Variants in RELCH observed in about 807,000 individuals in gnomAD.
RELCH encodes the protein RAB11-binding protein RELCH.
A neutral mutation model predicts 150.3 loss-of-function variants in RELCH; 41 were observed. That is an observed-to-expected ratio of 0.27 (90% CI 0.21 to 0.35). The LOEUF (loss-of-function observed/expected upper bound fraction) is 0.35, where lower values mean the gene tolerates loss of function less well. RELCH is among the 10% of genes least tolerant of loss of function. The pLI is 1.00. For synonymous variants in RELCH, 478 were observed against 531.8 expected (o/e 0.90, Z 1.39); for missense variants, 1,092 against 1,467.8 (o/e 0.74, Z 4.18).
chr18:62,268,824 C>A, intron 19 of RELCH, 45 bp from the exon 20 acceptor site: 1 of 1,023,220 alleles, frequency 9.8e-7, no homozygotes, highest in Non-Finnish European at 1.4e-6. Context: ...TTTCTTTACA[C>A]TTAAAATATA....
In RELCH at chr18:62,309,105, C is replaced by T. The variant is rs9946407; in HGVS notation, c.*3571C>T. ...ATACAAAATTAGCCGGGTATGGTGGCGCACACCTGTAATCCCAGCTACTCT... is the reference window on the plus strand; with the variant it reads ...ATACAAAATTAGCCGGGTATGGTGGTGCACACCTGTAATCCCAGCTACTCT... On this transcript the variant is annotated 3_prime_UTR_variant, in exon 29 of 29. Transcript: ENST00000644646. The T allele has an allele frequency of 0.088, 13,424 of 151,856 alleles. 1,282 individuals carry two copies. Among genetic ancestry groups the T allele is most frequent in the African/African-American group, 0.24 (10,020 of 41,352 alleles). The allele number at this position is 151,856 out of a possible 1,614,324, so 9.4% of individuals were successfully genotyped here. A position where few individuals can be genotyped will look rare whatever the true frequency, so the allele number is the denominator to read the frequency against.
In RELCH at chr18:62,195,864, T is replaced by G. The variant is rs188749106; in HGVS notation, c.526+7833T>G. ...GCGCATGCCACCACACCCAGCCAAT[T>G]TTTTTATTTTTGGTAGAGACCAGGT... On this transcript the variant is annotated intron_variant, in intron 1 of 28. Transcript: ENST00000644646. Among the ~76,000 whole-genome samples, 646 of 152,066 alleles carry G rather than the reference T, an allele frequency of 4.2e-3. 25 individuals are homozygous for G. The highest frequency in any genetic ancestry group is 0.039 in the Admixed American group (602 of 15,264).
At chr18:62,290,590 A>C (rs919320911) in intron 26 of RELCH, among the ~76,000 whole-genome samples, 4 of 152,212 alleles carry the variant, frequency 2.6e-5, no homozygotes, top group Non-Finnish European at 4.4e-5. Flanking sequence ...TGTGATATTA[A>C]ATAGGAGCTA....
At chr18:62,246,963 C>G (rs1048161381) in intron 11 of RELCH, 3 of 152,198 alleles carry the variant, frequency 2.0e-5, no homozygotes, top group Non-Finnish European at 4.4e-5. Context: ...CTGAATTAAA[C>G]TCCAGCCTAC....
chr18:62,305,664 A>C lies in RELCH; in HGVS notation c.*130A>C. 1 of 957,090 alleles carries C rather than the reference A, an allele frequency of 1.0e-6. No individual in the cohort carries two copies. Among genetic ancestry groups the C allele is most frequent in the Non-Finnish European group, 1.5e-6 (1 of 667,996 alleles). 59.3% of individuals were successfully genotyped at this position (957,090 alleles called of 1,614,324 possible). ...GCATTATAATTTTATCCTAACCTCC[A>C]AAGATATTTGCACTGCTTTTAATTA... On this transcript the variant is annotated 3_prime_UTR_variant, in exon 29 of 29. Transcript: ENST00000644646. The surrounding 1 kb of genome is among the most constrained non-coding windows in gnomAD (Gnocchi z 4.0).
chr18:62,239,651 T>C lies in RELCH; in HGVS notation c.1621-5113T>C, dbSNP rs79889776. Among the ~76,000 whole-genome samples, 430 of 152,190 alleles carry C rather than the reference T, an allele frequency of 2.8e-3. 3 individuals are homozygous for C. Among genetic ancestry groups the C allele is most frequent in the African/African-American group, 9.8e-3 (408 of 41,550 alleles). On this transcript the variant is annotated intron_variant, in intron 10 of 28. Transcript: ENST00000644646. Reference sequence around the variant, plus strand: ...TTACATTTCCAAATGATCTTTTCAATTGGAGCACAGTTCCGGTCTGTCCCC... The same window carrying C: ...TTACATTTCCAAATGATCTTTTCAACTGGAGCACAGTTCCGGTCTGTCCCC...
chr18:62,261,092 C>A (rs1054928002), intron 15 of RELCH, among the ~76,000 whole-genome samples: 4 of 152,006 alleles, frequency 2.6e-5, no homozygotes, highest in Non-Finnish European at 4.4e-5. Context: ...TGATGCATAT[C>A]TCAATACCTT....
intron 12 of RELCH, among the ~76,000 whole-genome samples, chr18:62,255,177 A>C (rs532788822): frequency 1.2e-4 from 18 of 151,990 alleles, no homozygotes; most frequent in African/African-American, 1.7e-4. Context: ...CCAAATTTTC[A>C]TCTTGGTTTT....
intron 1 of RELCH, among the ~76,000 whole-genome samples, chr18:62,201,497 G>A (rs1010223870): frequency 1.3e-5 from 2 of 151,792 alleles, no homozygotes; most frequent in African/African-American, 4.8e-5. Context: ...TTGTGAATTG[G>A]ATACTTTCAT....
rs965277637 is a variant in RELCH, at chr18:62,191,469, A to G, written c.526+3438A>G. Among the ~76,000 whole-genome samples, 3 of 151,872 alleles carry G rather than the reference A, an allele frequency of 2.0e-5. No individual in the cohort carries two copies. The South Asian group carries it at 6.2e-4, about 32-fold the overall frequency. ...CAGGGTACATGTGCAGGGTGTGCAGATTGGTGACATAGGTAGACATGTGTC... is the reference window on the plus strand; with the variant it reads ...CAGGGTACATGTGCAGGGTGTGCAGGTTGGTGACATAGGTAGACATGTGTC... On this transcript the variant is annotated intron_variant, in intron 1 of 28. Coordinates refer to ENST00000644646, the MANE Select transcript of RELCH (RefSeq NM_001346231.2).
intron 10 of RELCH, among the ~76,000 whole-genome samples, chr18:62,236,482 A>G (rs906781729): frequency 6.6e-6 from 1 of 151,834 alleles, no homozygotes; most frequent in African/African-American, 2.4e-5. Flanking sequence ...TTGATAGGGT[A>G]TAGGAACTCT....
intron 25 of RELCH, chr18:62,284,206 A>G (rs1380925291): frequency 2.0e-5 from 3 of 152,218 alleles, no homozygotes; most frequent in Admixed American, 6.5e-5. Context: ...TTTCAAGAAT[A>G]TCTAAAAATA....
chr18:62,274,226 A>G, intron 21 of RELCH, 140 bp downstream of exon 21: 1 of 589,160 alleles, frequency 1.7e-6, no homozygotes, highest in Non-Finnish European at 3.0e-6. Context: ...TTTTTTGTGT[A>G]TTTTAGTTTG....
chr18:62,201,527 G>C lies in RELCH; in HGVS notation c.527-9626G>C, dbSNP rs1398723847. On this transcript the variant is annotated intron_variant, in intron 1 of 28. Transcript: ENST00000644646. ...TTTCATGATTTTTAAATTATAAAGT[G>C]CCCATATTAAAGTATATATTAAATG... Among the ~76,000 whole-genome samples the C allele has an allele frequency of 4.6e-5, 7 of 152,058 alleles. No homozygotes were observed. In the East Asian group the frequency reaches 1.2e-3, roughly 25 times the overall value.
Position 62,228,597 on chromosome 18 carries a change from A to T in RELCH, c.1447A>T (p.Arg483Trp), listed in dbSNP as rs1477180516. The change falls in exon 8 of 29, where the codon AGG (arginine) becomes TGG (tryptophan). Residue 483 changes from arginine to tryptophan, a missense_variant and splice_region_variant. By Grantham distance (101) the Arg-to-Trp change is moderately radical. This residue lies in a region of RELCH where 707 missense variants were observed against 1,025.4 expected (regional missense o/e 0.69). Transcript: ENST00000644646. ...KKTVHFDKPN[R>W]KLSPAFHQAL... ...GACAGTTCATTTTGATAAACCTAAT[A>T]GGTTAGTATGCATCCTATATTTTGA... 1 of 1,600,250 alleles carries T rather than the reference A, an allele frequency of 6.2e-7. No homozygotes were observed. The highest frequency in any genetic ancestry group is 1.7e-5 in the Admixed American group (1 of 58,814).
chr18:62,236,213 G>A (rs1294146507), intron 10 of RELCH, among the ~76,000 whole-genome samples: 1 of 151,920 alleles, frequency 6.6e-6, no homozygotes, highest in Non-Finnish European at 1.5e-5. Flanking sequence ...AGATGATAAT[G>A]CGATTTTTCC....
intron 1 of RELCH, among the ~76,000 whole-genome samples, chr18:62,209,255 A>G (rs1039908828): frequency 1.3e-5 from 2 of 152,174 alleles, no homozygotes; most frequent in Non-Finnish European, 2.9e-5. Context: ...TTGCTTCTGC[A>G]TTTCCTAATA....
At position 62,197,924 on chromosome 18, in the gene RELCH, A is replaced by C. The variant is rs150558877; in HGVS notation, c.526+9893A>C. 3.7e-3 allele frequency among the ~76,000 whole-genome samples: 566 copies of C among 152,334 alleles called. 3 individuals carry two copies. Among genetic ancestry groups the C allele is most frequent in the African/African-American group, 0.013 (545 of 41,586 alleles). On this transcript the variant is annotated intron_variant, in intron 1 of 28. Coordinates refer to ENST00000644646, the MANE Select transcript of RELCH (RefSeq NM_001346231.2). ...GAAATCAGCCTATTGTTTGAAGACC[A>C]CTGGACTTATACCAATGTCTGATCT... is the stretch of plus-strand genomic sequence containing the variant.
At chr18:62,269,459 C>A in intron 20 of RELCH, 1 of 407,030 alleles carries the variant, frequency 2.5e-6, no homozygotes, top group Non-Finnish European at 5.0e-6. Context: ...GGAATGGGAC[C>A]CAAGTCTAAA....
Sources: gnomAD v4.1 joint callset for allele counts (sites outside exome capture counted in the v4.1 genomes callset) on GRCh38, gnomAD v4.1.1 for gene constraint, gnomAD v4.1.1 regional missense constraint, Gnocchi (gnomAD v3.1) non-coding constraint, MANE v1.5 for transcripts, NCBI Gene and HGNC (gene_info 2026-07-23, HGNC 2026-07-21) for gene names.